The following CDKN2B-AS1 variants were observed in gnomAD, a reference collection of about 807,000 sequenced individuals.
CDKN2B-AS1 encodes CDKN2B and CDKN2A antisense cis and trans regulatory RNA 1, also known as CDKN2B antisense RNA 1 (non-protein coding).
At chr9:22,125,911 A>T (rs1818011343) in intron 4 of CDKN2B-AS1, among the ~76,000 whole-genome samples, 1 of 152,252 alleles carries the variant, frequency 6.6e-6, no homozygotes, top group African/African-American at 2.4e-5. Flanking sequence ...ACATATTGTT[A>T]AACGAAAAAT....
At chr9:22,066,695 C>T (rs551866180) in intron 4 of CDKN2B-AS1, among the ~76,000 whole-genome samples, 2 of 151,760 alleles carry the variant, frequency 1.3e-5, no homozygotes, top group South Asian at 2.1e-4. Context: ...TTAAAAAGAA[C>T]ATTCGTATTT....
In CDKN2B-AS1 at chr9:21,997,598, A is replaced by C. The variant is rs3218023; in HGVS notation, n.29+2437A>C. 9.4e-4 allele frequency among the ~76,000 whole-genome samples: 143 copies of C among 152,216 alleles called. No homozygotes were observed. Among genetic ancestry groups the C allele is most frequent in the African/African-American group, 3.3e-3 (138 of 41,504 alleles). On this transcript the variant is annotated intron_variant and non_coding_transcript_variant, in intron 1 of 4. Coordinates refer to ENST00000650946, the Ensembl canonical transcript of CDKN2B-AS1. This position sits in a 1 kb window ranked among gnomAD's most constrained non-coding sequence, Gnocchi z 4.8. ...GACCCAGGGAAGAGTTGTTGTTGCAAGACTTGAATCCAAAGGCAATCTGGA... is the reference window on the plus strand; with the variant it reads ...GACCCAGGGAAGAGTTGTTGTTGCACGACTTGAATCCAAAGGCAATCTGGA...
intron 2 of CDKN2B-AS1, chr9:22,049,088 A>C (rs1003026659): frequency 1.3e-5 from 2 of 152,132 alleles, no homozygotes; most frequent in African/African-American, 4.8e-5. Context: ...AGGCTAATAC[A>C]CTATGTGGTT....
At chr9:22,029,651 T>A in intron 1 of CDKN2B-AS1, 2 of 527,072 alleles carry the variant, frequency 3.8e-6, no homozygotes, top group Admixed American at 5.9e-5. Flanking sequence ...AAGAAGAGCC[T>A]TGGGGAAATG....
intron 2 of CDKN2B-AS1, among the ~76,000 whole-genome samples, chr9:22,047,774 GAA>G (rs1253515291): frequency 2.0e-5 from 3 of 151,446 alleles, no homozygotes; most frequent in East Asian, 3.9e-4. Context: ...CTGTTGATGA[GAA>G]AACTTTTTTT....
rs144529594 is a variant in CDKN2B-AS1, at chr9:22,115,763, A to G, written n.439-11340A>G. On this transcript the variant is annotated intron_variant and non_coding_transcript_variant, in intron 4 of 4. Transcript: ENST00000650946. The stretch of plus-strand genomic sequence containing the variant: ...GGGATTATTGGTGGTTTTCTAGGGT[A>G]AACAGGGCATATTGTGCTGGAGGAC... Among the ~76,000 whole-genome samples the G allele has an allele frequency of 2.0e-5, 3 of 152,268 alleles. No individual in the cohort carries two copies. The East Asian group carries it at 5.8e-4, about 29-fold the overall frequency.
At chr9:22,122,353 T>C (rs973825420) in intron 4 of CDKN2B-AS1, among the ~76,000 whole-genome samples, 3 of 152,218 alleles carry the variant, frequency 2.0e-5, no homozygotes, top group African/African-American at 7.2e-5. Context: ...AGTTTGTATA[T>C]TCACTCTGTT....
chr9:22,070,102 C>T (rs906437057), intron 4 of CDKN2B-AS1, among the ~76,000 whole-genome samples: 1 of 152,178 alleles, frequency 6.6e-6, no homozygotes, highest in African/African-American at 2.4e-5. Flanking sequence ...ATCAGCTCAA[C>T]TTTATGAAAA....
At chr9:22,007,682 C>A (rs1030210194) in intron 1 of CDKN2B-AS1, among the ~76,000 whole-genome samples, 1 of 151,790 alleles carries the variant, frequency 6.6e-6, no homozygotes, top group African/African-American at 2.4e-5. Flanking sequence ...TCTTAAAAAC[C>A]GTGATAAGTT....
intron 3 of CDKN2B-AS1, among the ~76,000 whole-genome samples, chr9:22,051,818 T>C (rs1441712877): frequency 6.6e-6 from 1 of 152,148 alleles, no homozygotes; most frequent in Non-Finnish European, 1.5e-5. Context: ...AGGGATTTTG[T>C]TTTCAGCCTG....
intron 1 of CDKN2B-AS1, among the ~76,000 whole-genome samples, chr9:22,011,491 C>T (rs1821507445): frequency 6.6e-6 from 1 of 152,174 alleles, no homozygotes; most frequent in African/African-American, 2.4e-5. Context: ...ATTTGAGTGA[C>T]TTGTATACTA....
At chr9:22,011,150 C>G (rs182805584) in intron 1 of CDKN2B-AS1, among the ~76,000 whole-genome samples, 2 of 152,302 alleles carry the variant, frequency 1.3e-5, no homozygotes, top group East Asian at 3.9e-4. Context: ...GTGGTCCTAA[C>G]CAGCTCCAGA....
At chr9:22,040,777 A>G (rs1309845279) in intron 1 of CDKN2B-AS1, among the ~76,000 whole-genome samples, 1 of 152,068 alleles carries the variant, frequency 6.6e-6, no homozygotes, top group Non-Finnish European at 1.5e-5. Flanking sequence ...ACAATTTACA[A>G]ATTAATGTAA....
chr9:22,011,498 A>G (rs1215558357), intron 1 of CDKN2B-AS1, among the ~76,000 whole-genome samples: 1 of 152,208 alleles, frequency 6.6e-6, no homozygotes, highest in South Asian at 2.1e-4. Context: ...TGACTTGTAT[A>G]CTAGCTAATC....
intron 1 of CDKN2B-AS1, among the ~76,000 whole-genome samples, chr9:22,015,305 T>G (rs1238916401): frequency 3.3e-5 from 5 of 152,132 alleles, no homozygotes; most frequent in African/African-American, 4.8e-5. Context: ...ATTTCTAGAC[T>G]CTTTATTAAG....
chr9:22,006,304 G>C lies in CDKN2B-AS1; in HGVS notation n.29+11143G>C. ...GGTGGGGGCAGGTATGGGAGATGCC[G>C]GCCGGGGCAAGGCAGGTGGAGCCAT... On this transcript the variant is annotated intron_variant and non_coding_transcript_variant, in intron 1 of 4. Coordinates refer to ENST00000650946, the Ensembl canonical transcript of CDKN2B-AS1. This position sits in a 1 kb window ranked among gnomAD's most constrained non-coding sequence, Gnocchi z 6.4. 6.3e-7 allele frequency: 1 copy of C among 1,596,538 alleles called. No homozygotes were observed. Among genetic ancestry groups the C allele is most frequent in the Non-Finnish European group, 8.5e-7 (1 of 1,178,384 alleles).
At chr9:22,016,048 C>T (rs891596210) in intron 1 of CDKN2B-AS1, among the ~76,000 whole-genome samples, 1 of 152,148 alleles carries the variant, frequency 6.6e-6, no homozygotes, top group Non-Finnish European at 1.5e-5. Flanking sequence ...TGTAGGTTGC[C>T]TGTTCACTCT....
intron 1 of CDKN2B-AS1, among the ~76,000 whole-genome samples, chr9:22,020,139 C>A (rs1821954940): frequency 6.6e-6 from 1 of 152,078 alleles, no homozygotes; most frequent in African/African-American, 2.4e-5. Flanking sequence ...TTTTCTGTTC[C>A]TGCATTAGTT....
At chr9:22,096,179 A>G (rs914723409) in intron 4 of CDKN2B-AS1, among the ~76,000 whole-genome samples, 7 of 152,234 alleles carry the variant, frequency 4.6e-5, no homozygotes, top group African/African-American at 9.6e-5. Context: ...TTATTGTTAT[A>G]GGACAAATGT....
Sources: gnomAD v4.1 joint callset for allele counts (sites outside exome capture counted in the v4.1 genomes callset) on GRCh38, gnomAD v4.1.1 for gene constraint, Gnocchi (gnomAD v3.1) non-coding constraint, MANE v1.5 for transcripts, NCBI Gene and HGNC (gene_info 2026-07-23, HGNC 2026-07-21) for gene names.